KIZ: variants seen among roughly 807,000 people sequenced by gnomAD.
The protein encoded by KIZ is centrosomal protein kizuna.
Under a neutral mutation model 79.6 loss-of-function variants are expected in KIZ, and 68 were observed. The observed-to-expected ratio is 0.85, with a 90% CI of 0.70 to 1.05. The LOEUF (loss-of-function observed/expected upper bound fraction) is 1.05. Ranked by LOEUF, KIZ falls within the 50% of genes least tolerant of loss-of-function variation. KIZ has a pLI of 0.00. For synonymous variants in KIZ, 280 were observed against 281.8 expected (o/e 0.99, Z 0.06); for missense variants, 797 against 800.4 (o/e 1.00, Z 0.05).
At chr20:21,187,231 A>G (rs1314172582) in intron 6 of KIZ, among the ~76,000 whole-genome samples, 1 of 152,204 alleles carries the variant, frequency 6.6e-6, no homozygotes, top group African/African-American at 2.4e-5. Context: ...AACCAGCCCA[A>G]TCCTTTCAGC....
intron 4 of KIZ, among the ~76,000 whole-genome samples, chr20:21,160,158 G>A (rs2033588139): frequency 6.6e-6 from 1 of 152,288 alleles, no homozygotes; most frequent in South Asian, 2.1e-4. Flanking sequence ...CAGTTCCTCA[G>A]TGTGGTCGGT....
At chr20:21,192,442 G>A (rs2035152274) in intron 6 of KIZ, among the ~76,000 whole-genome samples, 1 of 151,878 alleles carries the variant, frequency 6.6e-6, no homozygotes, top group Admixed American at 6.6e-5. Flanking sequence ...GAGCCACCGT[G>A]CCTGGCTTGC....
chr20:21,217,143 T>C (rs924767851), intron 9 of KIZ, among the ~76,000 whole-genome samples: 1 of 152,174 alleles, frequency 6.6e-6, no homozygotes, highest in Non-Finnish European at 1.5e-5. Context: ...AAAAGTACTT[T>C]GGAAATTTTT....
intron 6 of KIZ, chr20:21,197,243 T>G (rs2035379398): frequency 6.6e-6 from 1 of 152,234 alleles, no homozygotes; most frequent in African/African-American, 2.4e-5. Flanking sequence ...ATTTTTAGAC[T>G]CTTATCACTT....
intron 6 of KIZ, among the ~76,000 whole-genome samples, chr20:21,203,544 G>T (rs552510376): frequency 6.6e-6 from 1 of 152,240 alleles, no homozygotes; most frequent in African/African-American, 2.4e-5. Flanking sequence ...ACAAAATTAT[G>T]ACCATTTCCT....
chr20:21,185,062 TTG>T (rs144332345), intron 6 of KIZ, among the ~76,000 whole-genome samples: 1 of 151,396 alleles, frequency 6.6e-6, no homozygotes, highest in Non-Finnish European at 1.5e-5. Context: ...AAAAAAATAA[TTG>T]TGTGTGTGTG....
At chr20:21,128,571 C>T (rs187444625) in intron 1 of KIZ, among the ~76,000 whole-genome samples, 35 of 152,260 alleles carry the variant, frequency 2.3e-4, no homozygotes, top group Non-Finnish European at 2.8e-4. Flanking sequence ...TGTAGTTACA[C>T]GTAGATGTAA....
chr20:21,138,741 A>C (rs934227478), intron 3 of KIZ, among the ~76,000 whole-genome samples: 1 of 151,908 alleles, frequency 6.6e-6, no homozygotes, highest in African/African-American at 2.4e-5. Flanking sequence ...GCATCATGGG[A>C]ATATTGTGTT....
chr20:21,159,282 C>T (rs1447247503), intron 4 of KIZ, among the ~76,000 whole-genome samples: 3 of 152,102 alleles, frequency 2.0e-5, no homozygotes, highest in East Asian at 1.9e-4. Context: ...GCCTCAGGGC[C>T]GGGAACTCTT....
chr20:21,194,019 GACAA>G (rs992329728), intron 6 of KIZ: 2 of 151,736 alleles, frequency 1.3e-5, no homozygotes, highest in South Asian at 2.1e-4. Context: ...AATAAAATTA[GACAA>G]ACAAAAAAAA....
At chr20:21,176,473 G>A (rs1343805148) in intron 6 of KIZ, among the ~76,000 whole-genome samples, 1 of 151,508 alleles carries the variant, frequency 6.6e-6, no homozygotes, top group Non-Finnish European at 1.5e-5. Context: ...TAAAACCTCA[G>A]CTTGAAGGCC....
At chr20:21,230,780 G>A (rs1447063763) in intron 10 of KIZ, among the ~76,000 whole-genome samples, 1 of 152,182 alleles carries the variant, frequency 6.6e-6, no homozygotes, top group East Asian at 1.9e-4. Flanking sequence ...CTGTCCTGAT[G>A]GAGGTTGTCG....
At chr20:21,223,948 G>T (rs1011673354) in intron 9 of KIZ, among the ~76,000 whole-genome samples, 8 of 151,926 alleles carry the variant, frequency 5.3e-5, no homozygotes, top group African/African-American at 1.9e-4. Flanking sequence ...AGAGTGCTGG[G>T]ATTACAGGCG....
intron 9 of KIZ, among the ~76,000 whole-genome samples, chr20:21,228,358 A>G (rs997964024): frequency 2.6e-5 from 4 of 152,106 alleles, no homozygotes; most frequent in Admixed American, 6.5e-5. Context: ...GTCTTCCCCA[A>G]TTTCACTTAT....
intron 11 of KIZ, among the ~76,000 whole-genome samples, chr20:21,239,160 T>A (rs997437046): frequency 4.6e-5 from 7 of 152,178 alleles, no homozygotes; most frequent in African/African-American, 1.7e-4. Flanking sequence ...CTGTCCCCAT[T>A]CTACAGACAA....
chr20:21,223,205 A>G (rs772194282), intron 9 of KIZ, among the ~76,000 whole-genome samples: 1 of 152,212 alleles, frequency 6.6e-6, no homozygotes, highest in Non-Finnish European at 1.5e-5. Context: ...TGAGGTTGAG[A>G]GTTGAAAATC....
In KIZ at chr20:21,246,554, A is replaced by T. The variant is rs1438083497; in HGVS notation, c.2000A>T (p.Asp667Val). The change falls in exon 13 of 13, where the codon GAT becomes GTT. Residue 667 changes from aspartate to valine, a missense_variant. Physicochemically the swap from Asp to Val is radical, Grantham distance 152 (BLOSUM62 -3). Coordinates refer to ENST00000619189, the MANE Select transcript of KIZ (RefSeq NM_018474.6). ...CGCCCCAGAAACCATAACACCGATG[A>T]TTCTGATGATTTTTATGACTAACGT... ...ALRPRNHNTD[D>V]SDDFYD is the part of the protein sequence containing the mutation. The T allele has an allele frequency of 1.2e-6, 2 of 1,606,956 alleles. No homozygotes were observed. The highest frequency in any genetic ancestry group is 3.4e-5 in the Admixed American group (2 of 59,682).
chr20:21,232,867 AGAT>A (rs776625768), intron 11 of KIZ, 37 bp downstream of exon 11: 18 of 858,558 alleles, frequency 2.1e-5, no homozygotes, highest in Non-Finnish European at 3.1e-5. Flanking sequence ...AGCAGCAACA[AGAT>A]GAGAAATGTC....
intron 3 of KIZ, 44 bp from the exon 4 acceptor site, chr20:21,145,521 T>A: frequency 1.1e-6 from 1 of 952,086 alleles, no homozygotes; most frequent in Non-Finnish European, 1.6e-6. Context: ...CAGGTGCTAG[T>A]TGTAAAAATA....
Sources: allele counts gnomAD v4.1 joint callset (sites outside exome capture counted in the v4.1 genomes callset), GRCh38; gene constraint gnomAD v4.1.1; transcripts MANE v1.5; gene names NCBI Gene and HGNC (gene_info 2026-07-23, HGNC 2026-07-21).